Variants in RBFOX1 observed in about 807,000 individuals in gnomAD.
RBFOX1 encodes the protein RNA binding fox-1 homolog 1.
In RBFOX1, 8 loss-of-function variants were observed where a neutral mutation model predicts 57.7. That is an observed-to-expected ratio of 0.14 (90% confidence interval 0.08 to 0.25). The LOEUF (loss-of-function observed/expected upper bound fraction) is 0.25, where lower values mean the gene tolerates loss of function less well. Ranked by LOEUF, RBFOX1 falls within the 10% of genes least tolerant of loss-of-function variation. The pLI is 1.00. For missense variants in RBFOX1, 611 were observed against 548.5 expected, an observed-to-expected ratio of 1.11 and a Z score of -1.14; for synonymous variants, 326 against 222.4, an observed-to-expected ratio of 1.47 and a Z score of -4.15.
intron 2 of RBFOX1, among the ~76,000 whole-genome samples, chr16:5,490,095 G>A (rs572012562): frequency 2.6e-5 from 4 of 152,312 alleles, no homozygotes; most frequent in East Asian, 3.9e-4. Flanking sequence ...TTCTACTGTG[G>A]CAGAGCTTGA....
chr16:5,311,928 A>G (rs993265017), intron 1 of RBFOX1, among the ~76,000 whole-genome samples: 7 of 152,148 alleles, frequency 4.6e-5, no homozygotes, highest in African/African-American at 1.2e-4. Context: ...CGGTGCTGTA[A>G]TAATCTGTGG....
intron 3 of RBFOX1, among the ~76,000 whole-genome samples, chr16:5,735,453 C>T (rs928131622): frequency 3.3e-5 from 5 of 152,202 alleles, no homozygotes; most frequent in African/African-American, 1.2e-4. Context: ...TTTCTTTCTC[C>T]AAGGCTGTTG....
intron 4 of RBFOX1, among the ~76,000 whole-genome samples, chr16:7,425,354 G>C (rs929777410): frequency 6.6e-6 from 1 of 152,108 alleles, no homozygotes; most frequent in African/African-American, 2.4e-5. Flanking sequence ...TTTTACCTAC[G>C]AGTTACCTTC....
At chr16:7,145,151 G>A (rs975855537) in intron 4 of RBFOX1, among the ~76,000 whole-genome samples, 3 of 152,258 alleles carry the variant, frequency 2.0e-5, no homozygotes, top group Non-Finnish European at 4.4e-5. Flanking sequence ...CAAGCAGGGG[G>A]TACCATCCCA....
At chr16:6,885,713 G>C (rs915525575) in intron 3 of RBFOX1, among the ~76,000 whole-genome samples, 15 of 151,916 alleles carry the variant, frequency 9.9e-5, no homozygotes, top group Admixed American at 2.0e-4. Context: ...TCTATCTTTA[G>C]TAGAGACTGG....
intron 1 of RBFOX1, among the ~76,000 whole-genome samples, chr16:5,427,038 G>GT (rs1324757713): frequency 2.0e-5 from 3 of 152,060 alleles, no homozygotes; most frequent in Admixed American, 6.5e-5. Flanking sequence ...CACCTCCTCT[G>GT]TTTTTTTGGC....
chr16:5,872,099 C>T (rs2057488883), intron 4 of RBFOX1, among the ~76,000 whole-genome samples: 1 of 152,122 alleles, frequency 6.6e-6, no homozygotes, highest in South Asian at 2.1e-4. Flanking sequence ...GTTGCAGAGC[C>T]CATTAAAAAT....
At chr16:5,480,017 G>A (rs2069470201) in intron 2 of RBFOX1, among the ~76,000 whole-genome samples, 1 of 152,054 alleles carries the variant, frequency 6.6e-6, no homozygotes, top group Non-Finnish European at 1.5e-5. Flanking sequence ...TACAGGCCTG[G>A]CTTTCTCCTG....
At chr16:7,628,362 C>T (rs2060404385) in intron 10 of RBFOX1, among the ~76,000 whole-genome samples, 1 of 152,124 alleles carries the variant, frequency 6.6e-6, no homozygotes, top group African/African-American at 2.4e-5. Flanking sequence ...TCTAAGATTT[C>T]TAGCAGTGAG....
intron 3 of RBFOX1, among the ~76,000 whole-genome samples, chr16:5,766,545 A>G (rs1481345328): frequency 6.6e-6 from 1 of 152,134 alleles, no homozygotes; most frequent in Non-Finnish European, 1.5e-5. Context: ...AGATCACATC[A>G]CTGTACTCCA....
At chr16:6,623,711 T>C (rs968719974) in intron 2 of RBFOX1, among the ~76,000 whole-genome samples, 3 of 152,118 alleles carry the variant, frequency 2.0e-5, no homozygotes, top group Non-Finnish European at 4.4e-5. Context: ...TTTTTGTCCT[T>C]GCGATAGTTT....
chr16:6,778,728 C>T (rs943639107), intron 3 of RBFOX1, among the ~76,000 whole-genome samples: 4 of 151,954 alleles, frequency 2.6e-5, no homozygotes, highest in African/African-American at 9.7e-5. Context: ...GATTGTCTTC[C>T]TGAGTCTTTT....
At chr16:7,567,726 C>G (rs900760145) in intron 5 of RBFOX1, among the ~76,000 whole-genome samples, 2 of 46,546 alleles carry the variant, frequency 4.3e-5, no homozygotes, top group Non-Finnish European at 1.2e-4. Flanking sequence ...ATATATATCC[C>G]TATATATAAT....
chr16:6,640,380 G>A (rs2098477167), intron 2 of RBFOX1, among the ~76,000 whole-genome samples: 15 of 152,086 alleles, frequency 9.9e-5, no homozygotes, highest in Admixed American at 9.8e-4. Context: ...AGGCCGAGGT[G>A]GGCGGATCAC....
intron 2 of RBFOX1, among the ~76,000 whole-genome samples, chr16:6,649,934 C>G (rs1001666908): frequency 6.6e-6 from 1 of 152,038 alleles, no homozygotes; most frequent in Non-Finnish European, 1.5e-5. Context: ...TGGGCTGGTT[C>G]CATATTTTTG....
At chr16:6,346,842 C>A (rs1278645730) in intron 2 of RBFOX1, among the ~76,000 whole-genome samples, 2 of 151,946 alleles carry the variant, frequency 1.3e-5, no homozygotes, top group African/African-American at 2.4e-5. Context: ...ACCAGAATAA[C>A]CTCTTGACAA....
chr16:7,220,912 G>T (rs1014495165), intron 4 of RBFOX1, among the ~76,000 whole-genome samples: 6 of 152,002 alleles, frequency 3.9e-5, no homozygotes, highest in African/African-American at 1.2e-4. Context: ...TCTATGGAAT[G>T]GGTTCTTAGG....
intron 3 of RBFOX1, among the ~76,000 whole-genome samples, chr16:5,645,317 G>A (rs1204524610): frequency 2.0e-5 from 3 of 151,352 alleles, no homozygotes; most frequent in Non-Finnish European, 4.4e-5. Flanking sequence ...GCACACAAAA[G>A]GCCACATATT....
chr16:7,086,866 G>C (rs961484883), intron 4 of RBFOX1, among the ~76,000 whole-genome samples: 1 of 152,196 alleles, frequency 6.6e-6, no homozygotes, highest in Non-Finnish European at 1.5e-5. Context: ...GGTGGGGCTT[G>C]GTTTTTTGCT....
Sources: allele counts gnomAD v4.1 joint callset (sites outside exome capture counted in the v4.1 genomes callset), GRCh38; gene constraint gnomAD v4.1.1; transcripts MANE v1.5; gene names NCBI Gene and HGNC (gene_info 2026-07-23, HGNC 2026-07-21).